The following UBA6 variants were observed in gnomAD, a reference collection of about 807,000 sequenced individuals.
UBA6 encodes ubiquitin like modifier activating enzyme 6.
Under a neutral mutation model 148.3 loss-of-function variants are expected in UBA6, and 87 were observed. The ratio of observed to expected loss-of-function variants is 0.59; its 90% CI spans 0.49 to 0.70. The LOEUF (loss-of-function observed/expected upper bound fraction) is 0.70. UBA6 is among the 30% of genes least tolerant of loss of function. The probability of loss-of-function intolerance (pLI) is 0.00; values close to 1 mark genes in which losing one functional copy is unlikely to be tolerated. For missense variants in UBA6, 1,186 were observed against 1,241.2 expected (o/e 0.96, Z 0.67); for synonymous variants, 376 against 401.0 (o/e 0.94, Z 0.75).
intron 23 of UBA6, 34 bp from the exon 24 acceptor site, chr4:67,631,942 A>T: frequency 6.3e-7 from 1 of 1,575,486 alleles, no homozygotes; most frequent in Non-Finnish European, 8.6e-7. Flanking sequence ...GACACCCACT[A>T]CTTAATATTA....
At chr4:67,685,003 C>A (rs1730524570) in intron 2 of UBA6, among the ~76,000 whole-genome samples, 1 of 152,118 alleles carries the variant, frequency 6.6e-6, no homozygotes. Flanking sequence ...GGCAGTCTAG[C>A]CTTAGCATCC....
chr4:67,681,468 C>T, intron 4 of UBA6, 95 bp downstream of exon 4: 2 of 768,144 alleles, frequency 2.6e-6, no homozygotes, highest in Non-Finnish European at 4.1e-6. Flanking sequence ...GCATTAAAGA[C>T]AATAATTAAA....
intron 31 of UBA6, 72 bp downstream of exon 31, chr4:67,623,063 A>G (rs2109893764): frequency 7.2e-7 from 1 of 1,391,324 alleles, no homozygotes; most frequent in East Asian, 2.4e-5. Context: ...CTTCCAATAA[A>G]ATTATAAATA....
chr4:67,665,230 C>T lies in UBA6; in HGVS notation c.856G>A (p.Gly286Ser), dbSNP rs1194259986. 5 of 1,606,862 alleles carry T rather than the reference C, an allele frequency of 3.1e-6. No homozygotes were observed. The highest frequency in any genetic ancestry group is 4.2e-6 in the Non-Finnish European group (5 of 1,177,820). The change falls in exon 10 of 33, where the codon GGC (glycine) becomes AGC (serine). Residue 286 changes from glycine (G) to serine (S), a missense_variant. Gly to Ser is a moderately conservative substitution (Grantham distance 56, BLOSUM62 0). Transcript: ENST00000322244. ...TTELEPYLHG[G>S]IAVQVKTPKT... ...GGAGTCTTAACTTGGACAGCTATGC[C>T]TCCATGTAAATATGGTTCCAGTTCT... is the stretch of plus-strand genomic sequence containing the variant.
chr4:67,656,964 C>A (rs1173211645), intron 13 of UBA6, among the ~76,000 whole-genome samples: 1 of 152,108 alleles, frequency 6.6e-6, no homozygotes, highest in Admixed American at 6.5e-5. Context: ...CCTAGGAATC[C>A]AACTTACAAG....
In UBA6 at chr4:67,632,058, C is replaced by T. The variant is rs1729011582; in HGVS notation, c.2143-150G>A. 4.4e-6 allele frequency: 3 copies of T among 681,726 alleles called. No individual in the cohort carries two copies. In the Admixed American group the frequency reaches 9.0e-5, roughly 20 times the overall value. The allele number at this position is 681,726 out of a possible 1,614,324, so 42.2% of individuals were successfully genotyped here. ...AAAGAGACACAGTGAAGTCTCCCTACCACCCTTGTATTCCATCTGTCCATT... is the reference window on the plus strand; with the variant it reads ...AAAGAGACACAGTGAAGTCTCCCTATCACCCTTGTATTCCATCTGTCCATT... On this transcript the variant is annotated intron_variant, in intron 23 of 32. Coordinates refer to ENST00000322244, the MANE Select transcript of UBA6 (RefSeq NM_018227.6).
In UBA6 at chr4:67,618,905, A is replaced by T. The variant is rs1158211054; in HGVS notation, c.*92T>A. 17 of 1,258,294 alleles carry T rather than the reference A, an allele frequency of 1.4e-5. No homozygotes were observed. The highest frequency in any genetic ancestry group is 9.9e-6 in the Non-Finnish European group (9 of 906,330). The allele number at this position is 1,258,294 out of a possible 1,614,324, so 77.9% of individuals were successfully genotyped here. ...TTAAGGCTTAATGAAAGAGAAATCCATAGTATTATGAACTGATTTTCTTTA... is the reference window on the plus strand; with the variant it reads ...TTAAGGCTTAATGAAAGAGAAATCCTTAGTATTATGAACTGATTTTCTTTA... On this transcript the variant is annotated 3_prime_UTR_variant, in exon 33 of 33. Coordinates refer to ENST00000322244, the MANE Select transcript of UBA6 (RefSeq NM_018227.6).
rs1728617100 is a variant in UBA6 at position 67,615,948 on chromosome 4, G to A, written c.*3049C>T. 1 of 350,880 alleles carries A rather than the reference G, an allele frequency of 2.8e-6. No individual in the cohort carries two copies. 21.7% of individuals were successfully genotyped at this position (350,880 alleles called of 1,614,324 possible). A position where few individuals can be genotyped will look rare whatever the true frequency, so the allele number is the denominator to read the frequency against. On this transcript the variant is annotated 3_prime_UTR_variant, in exon 33 of 33. Transcript: ENST00000322244. Reference sequence around the variant, plus strand: ...CTACATGTGTAATTTCTGAACTGCTGTCAATATATTCTACTAAGCTGAGTG... The same window carrying A: ...CTACATGTGTAATTTCTGAACTGCTATCAATATATTCTACTAAGCTGAGTG...
chr4:67,674,662 A>C (rs1353644051), intron 6 of UBA6, among the ~76,000 whole-genome samples: 6 of 152,198 alleles, frequency 3.9e-5, no homozygotes, highest in Non-Finnish European at 8.8e-5. Context: ...TAGTTTGCAA[A>C]TAATAAAAAA....
In UBA6 at chr4:67,639,156, T is replaced by A. The variant is rs1365916705; in HGVS notation, c.1555-32A>T. The A allele has an allele frequency of 4.5e-6, 7 of 1,539,242 alleles. No homozygotes were observed. The Admixed American group carries it at 1.1e-4, about 25-fold the overall frequency. The stretch of plus-strand genomic sequence containing the variant: ...AAATAATATAAGCAGAAGGAATATG[T>A]TAAACAACAAAAAAAGGACTATGAT... On this transcript the variant is annotated intron_variant, in intron 18 of 32. Transcript: ENST00000322244.
intron 2 of UBA6, among the ~76,000 whole-genome samples, chr4:67,688,939 C>A (rs1282502133): frequency 6.6e-6 from 1 of 151,868 alleles, no homozygotes; most frequent in African/African-American, 2.4e-5. Flanking sequence ...AAAACAAAAA[C>A]AATACTGGAT....
At chr4:67,660,538 C>A (rs970814317) in intron 13 of UBA6, among the ~76,000 whole-genome samples, 5 of 152,246 alleles carry the variant, frequency 3.3e-5, no homozygotes, top group South Asian at 2.1e-4. Context: ...AGAAGTCAAG[C>A]GAGATTTGGG....
chr4:67,631,142 C>T (rs1728988245), intron 25 of UBA6, among the ~76,000 whole-genome samples: 2 of 152,128 alleles, frequency 1.3e-5, no homozygotes, highest in Admixed American at 1.3e-4. Flanking sequence ...GCGAGGATTG[C>T]TTGAGCCTAG....
intron 13 of UBA6, among the ~76,000 whole-genome samples, chr4:67,657,032 G>A (rs935244973): frequency 1.3e-5 from 2 of 152,064 alleles, no homozygotes; most frequent in Non-Finnish European, 2.9e-5. Context: ...AAATAAAAGA[G>A]GACACAAACA....
chr4:67,689,624 G>A (rs927511165), intron 2 of UBA6, among the ~76,000 whole-genome samples: 1 of 152,080 alleles, frequency 6.6e-6, no homozygotes, highest in African/African-American at 2.4e-5. Flanking sequence ...AGAAGTCAGG[G>A]AATGTGGTAC....
intron 6 of UBA6, 106 bp from the exon 7 acceptor site, chr4:67,673,883 T>G: frequency 1.6e-6 from 1 of 623,496 alleles, no homozygotes; most frequent in Non-Finnish European, 2.7e-6. Flanking sequence ...GACACATCGC[T>G]AATCTCATTG....
chr4:67,635,359 CAGA>C (rs1434216923), intron 20 of UBA6, 91 bp downstream of exon 20: 91 of 726,674 alleles, frequency 1.3e-4, no homozygotes, highest in Non-Finnish European at 1.9e-4. Context: ...AGAGCAAAAT[CAGA>C]AGGATTAGGA....
chr4:67,696,444 T>C (rs1730837185), intron 2 of UBA6, among the ~76,000 whole-genome samples: 2 of 126,772 alleles, frequency 1.6e-5, no homozygotes, highest in African/African-American at 2.9e-5. Context: ...TATATACACA[T>C]ATACACATAT....
intron 8 of UBA6, among the ~76,000 whole-genome samples, chr4:67,669,649 T>C (rs1208625215): frequency 1.3e-5 from 2 of 152,128 alleles, no homozygotes; most frequent in African/African-American, 4.8e-5. Flanking sequence ...TGATCAAGAG[T>C]GCGGTTAGAA....
Sources: allele counts gnomAD v4.1 joint callset (sites outside exome capture counted in the v4.1 genomes callset), GRCh38; gene constraint gnomAD v4.1.1; transcripts MANE v1.5; gene names NCBI Gene and HGNC (gene_info 2026-07-23, HGNC 2026-07-21).